Variants in APBB1 observed in about 807,000 individuals in gnomAD.
The protein encoded by APBB1 is adaptor protein FE65a2.
A neutral mutation model predicts 78.4 loss-of-function variants in APBB1; 22 were observed. The observed-to-expected ratio is 0.28, with a 90% confidence interval of 0.20 to 0.40. The LOEUF (loss-of-function observed/expected upper bound fraction) is 0.40, where lower values mean the gene tolerates loss of function less well. Among genes scored for constraint, APBB1 ranks in the 10% least tolerant of loss-of-function variants. APBB1 has a pLI of 1.00. For missense variants in APBB1, 749 were observed against 932.4 expected, an observed-to-expected ratio of 0.80 and a Z score of 2.56; for synonymous variants, 369 against 372.7, an observed-to-expected ratio of 0.99 and a Z score of 0.12.
chr11:6,405,175 C>T, intron 2 of APBB1: 1 of 1,156,328 alleles, frequency 8.6e-7, no homozygotes, highest in Non-Finnish European at 1.1e-6. Context: ...TACCAGGAGA[C>T]TCAGCCCCTA....
Position 6,402,698 on chromosome 11 carries a change from C to T in APBB1, c.1132G>A (p.Val378Ile). The change falls in exon 7 of 15, where the codon GTA becomes ATA. Residue 378 changes from valine to isoleucine, a missense_variant. Transcript: ENST00000609360. ...KCFAVRSLGW[V>I]EMTEEELAPG... Reference sequence around the variant, plus strand: ...GCCAGCTCCTCCTCGGTCATCTCTACCCAGCCTAGGGAGCGCACGGCGAAA... The same window carrying T: ...GCCAGCTCCTCCTCGGTCATCTCTATCCAGCCTAGGGAGCGCACGGCGAAA... The T allele has an allele frequency of 6.2e-7, 1 of 1,614,154 alleles. No homozygotes were observed.
rs539685047 is a variant in APBB1 at position 6,407,673 on chromosome 11, G to C, written c.721+2954C>G. On this transcript the variant is annotated intron_variant, in intron 2 of 14. Transcript: ENST00000609360. The stretch of plus-strand genomic sequence containing the variant: ...CCCAAAAATAATCAGCTGGAGTGCA[G>C]GAGGGGCTGTTCCTTTTAAAAGGAG... Among the ~76,000 whole-genome samples the C allele has an allele frequency of 5.3e-5, 8 of 152,296 alleles. 1 individual carries two copies. The South Asian group carries it at 1.7e-3, about 32-fold the overall frequency.
intron 1 of APBB1, among the ~76,000 whole-genome samples, chr11:6,414,810 C>T (rs1849079914): frequency 6.6e-6 from 1 of 152,172 alleles, no homozygotes; most frequent in Admixed American, 6.5e-5. Flanking sequence ...CTCTGCCATG[C>T]TCAGAGGACC....
chr11:6,399,920 G>A (rs1002490667), intron 12 of APBB1, among the ~76,000 whole-genome samples: 24 of 123,622 alleles, frequency 1.9e-4, no homozygotes, highest in Admixed American at 7.9e-4. Context: ...CCACTTGACC[G>A]CATTCACTTC....
Position 6,401,298 on chromosome 11 carries a change from C to A in APBB1, c.1588+47G>T, listed in dbSNP as rs375794507. 73 of 1,614,064 alleles carry A rather than the reference C, an allele frequency of 4.5e-5. No individual in the cohort carries two copies. Among genetic ancestry groups the A allele is most frequent in the Non-Finnish European group, 6.2e-5 (73 of 1,179,988 alleles). ...TCATGCCTTTCCTTGGGTCACCCAC[C>A]TTTGCCAACAAAGCTGAGCTGGACC... is the stretch of plus-strand genomic sequence containing the variant. On this transcript the variant is annotated intron_variant, in intron 11 of 14. Transcript: ENST00000609360. The surrounding 1 kb of genome is among the most constrained non-coding windows in gnomAD (Gnocchi z 4.5).
Position 6,401,661 on chromosome 11 carries a change from C to T in APBB1, c.1416G>A (p.Lys472=). Residue 472 remains lysine (K), a synonymous_variant, in exon 10 of 15, where the codon AAG becomes AAA. Coordinates refer to ENST00000609360, the MANE Select transcript of APBB1 (RefSeq NM_001164.5). The surrounding 1 kb of genome is among the most constrained non-coding windows in gnomAD (Gnocchi z 4.5). ...CGTGGCACTTGAGCATCTGGGTCAG[C>T]TTATCACGAGCTACGTAGGCAAAGT... ...ERDFAYVARD[K]LTQMLKCHVF... is the part of the protein sequence containing the mutation. The T allele has an allele frequency of 6.2e-7, 1 of 1,614,178 alleles. No homozygotes were observed.
intron 2 of APBB1, among the ~76,000 whole-genome samples, chr11:6,408,310 A>C (rs2134095249): frequency 6.6e-6 from 1 of 152,266 alleles, no homozygotes; most frequent in East Asian, 1.9e-4. Context: ...CAAAACTGCA[A>C]ACAACAACAA....
In APBB1 at chr11:6,401,120, C is replaced by T; in HGVS notation, c.1589-48G>A. The T allele has an allele frequency of 6.2e-7, 1 of 1,614,072 alleles. No individual in the cohort carries two copies. The highest frequency in any genetic ancestry group is 8.5e-7 in the Non-Finnish European group (1 of 1,180,000). On this transcript the variant is annotated intron_variant, in intron 11 of 14. Transcript: ENST00000609360. The surrounding 1 kb of genome is among the most constrained non-coding windows in gnomAD (Gnocchi z 4.5). Reference sequence around the variant, plus strand: ...GATCATGGTGGCAGACCTTGCTCACCCGCAGCCCCACCAGCAGGGCATAAG... The same window carrying T: ...GATCATGGTGGCAGACCTTGCTCACTCGCAGCCCCACCAGCAGGGCATAAG...
intron 7 of APBB1, 123 bp from the exon 8 acceptor site, chr11:6,402,332 C>G: frequency 7.1e-7 from 1 of 1,404,984 alleles, no homozygotes; most frequent in Non-Finnish European, 9.6e-7. Context: ...TCAGACCGCC[C>G]GCCCTGCAGG....
intron 2 of APBB1, among the ~76,000 whole-genome samples, chr11:6,407,970 G>A (rs1341493942): frequency 1.3e-5 from 2 of 151,466 alleles, no homozygotes; most frequent in Non-Finnish European, 2.9e-5. Context: ...TAGTAGAGAC[G>A]GGGTTTCACC....
chr11:6,401,100 T>C lies in APBB1; in HGVS notation c.1589-28A>G. ...ATGGGAAAGAAGAGAAGGTTGATCA[T>C]GGTGGCAGACCTTGCTCACCCGCAG... is the stretch of plus-strand genomic sequence containing the variant. On this transcript the variant is annotated intron_variant, in intron 11 of 14. Coordinates refer to ENST00000609360, the MANE Select transcript of APBB1 (RefSeq NM_001164.5). This position sits in a 1 kb window ranked among gnomAD's most constrained non-coding sequence, Gnocchi z 4.5. 1.2e-6 allele frequency: 2 copies of C among 1,614,052 alleles called. No homozygotes were observed. Among genetic ancestry groups the C allele is most frequent in the South Asian group, 1.1e-5 (1 of 91,082 alleles).
chr11:6,401,361 C>T lies in APBB1; in HGVS notation c.1572G>A (p.Val524=), dbSNP rs768406617. ...NGLSLDHSKL[V]DVPFQVEFPA... ...GACACTGACCTTGGAAAGGGACATC[C>T]ACAAGTTTAGAGTGGTCCAGGGAGA... is the stretch of plus-strand genomic sequence containing the variant. The change falls in exon 11 of 15, where the codon GTG becomes GTA. Residue 524 remains valine (V), a synonymous_variant. Transcript: ENST00000609360. This position sits in a 1 kb window ranked among gnomAD's most constrained non-coding sequence, Gnocchi z 4.5. 1.9e-6 allele frequency: 3 copies of T among 1,614,072 alleles called. No individual in the cohort carries two copies. In the Admixed American group the frequency reaches 5.0e-5, roughly 27 times the overall value.
In APBB1 at chr11:6,410,744, G is replaced by C. The variant is rs1848937043; in HGVS notation, c.604C>G (p.His202Asp). Residue 202 changes from histidine (H) to aspartate (D), a missense_variant, in exon 2 of 15, where the codon CAC becomes GAC. Physicochemically the swap from His to Asp is moderately conservative, Grantham distance 81. This residue lies in a region of APBB1 where 635 missense variants were observed against 765.0 expected (regional missense o/e 0.83). Coordinates refer to ENST00000609360, the MANE Select transcript of APBB1 (RefSeq NM_001164.5). The part of the protein sequence containing the change: ...PQALTDGPRE[H>D]SKSASLLFGM... Reference sequence around the variant, plus strand: ...AACAGGAGGCTGGCACTCTTGCTGTGTTCCCGGGGGCCATCTGTAAGGGCT... The same window carrying C: ...AACAGGAGGCTGGCACTCTTGCTGTCTTCCCGGGGGCCATCTGTAAGGGCT... 4 of 1,575,682 alleles carry C rather than the reference G, an allele frequency of 2.5e-6. No individual in the cohort carries two copies. Among genetic ancestry groups the C allele is most frequent in the Non-Finnish European group, 3.4e-6 (4 of 1,160,646 alleles).
chr11:6,406,051 T>C (rs1379771851), intron 2 of APBB1, among the ~76,000 whole-genome samples: 1 of 152,178 alleles, frequency 6.6e-6, no homozygotes, highest in African/African-American at 2.4e-5. Context: ...AGCTTCATCC[T>C]TCCGATCTGT....
Position 6,401,298 on chromosome 11 carries a change from C to T in APBB1, c.1588+47G>A, listed in dbSNP as rs375794507. ...TCATGCCTTTCCTTGGGTCACCCAC[C>T]TTTGCCAACAAAGCTGAGCTGGACC... On this transcript the variant is annotated intron_variant, in intron 11 of 14. Coordinates refer to ENST00000609360, the MANE Select transcript of APBB1 (RefSeq NM_001164.5). This position sits in a 1 kb window ranked among gnomAD's most constrained non-coding sequence, Gnocchi z 4.5. The T allele has an allele frequency of 1.7e-5, 27 of 1,613,946 alleles. No homozygotes were observed. Among genetic ancestry groups the T allele is most frequent in the Non-Finnish European group, 2.3e-5 (27 of 1,179,996 alleles).
intron 12 of APBB1, chr11:6,396,472 C>A: frequency 2.2e-6 from 1 of 459,402 alleles, no homozygotes; most frequent in South Asian, 2.5e-5. Flanking sequence ...CCTATTCCTC[C>A]ACACTTCTGA....
intron 1 of APBB1, among the ~76,000 whole-genome samples, chr11:6,415,124 A>AT (rs1336182196): frequency 6.6e-6 from 1 of 152,162 alleles, no homozygotes; most frequent in Non-Finnish European, 1.5e-5. Context: ...TCTCAGTCCA[A>AT]TTTTTTAAAG....
intron 2 of APBB1, among the ~76,000 whole-genome samples, chr11:6,410,426 T>A (rs1476718984): frequency 1.3e-5 from 2 of 152,158 alleles, no homozygotes; most frequent in Non-Finnish European, 2.9e-5. Flanking sequence ...AATGAATAGA[T>A]CCATCCATCC....
Position 6,418,283 on chromosome 11 carries a change from G to C in APBB1, c.-15+702C>G, listed in dbSNP as rs55684954. Among the ~76,000 whole-genome samples, 776 of 152,326 alleles carry C rather than the reference G, an allele frequency of 5.1e-3. 11 individuals carry two copies. Among genetic ancestry groups the C allele is most frequent in the African/African-American group, 0.018 (744 of 41,568 alleles). Reference sequence around the variant, plus strand: ...AGTGTCCACTGGAGTTCTCCACAAGGAGGTCTCCGGTGACCTTGGCCTAGA... The same window carrying C: ...AGTGTCCACTGGAGTTCTCCACAAGCAGGTCTCCGGTGACCTTGGCCTAGA... On this transcript the variant is annotated intron_variant, in intron 1 of 14. Transcript: ENST00000609360.
Sources: gnomAD v4.1 joint callset for allele counts (sites outside exome capture counted in the v4.1 genomes callset) on GRCh38, gnomAD v4.1.1 for gene constraint, gnomAD v4.1.1 regional missense constraint, Gnocchi (gnomAD v3.1) non-coding constraint, MANE v1.5 for transcripts, NCBI Gene and HGNC (gene_info 2026-07-23, HGNC 2026-07-21) for gene names.